Variants in TMEM181 observed in about 807,000 individuals in gnomAD.
The protein encoded by TMEM181 is G protein-coupled receptor 178.
A neutral mutation model predicts 71.9 loss-of-function variants in TMEM181; 39 were observed. The observed-to-expected ratio is 0.54, with a 90% CI of 0.42 to 0.71. The LOEUF is 0.71. Ranked by LOEUF, TMEM181 falls within the 30% of genes least tolerant of loss-of-function variation. The probability of loss-of-function intolerance (pLI) is 0.00; values close to 1 mark genes in which losing one functional copy is unlikely to be tolerated. For synonymous variants in TMEM181, 245 were observed against 228.8 expected (o/e 1.07, Z -0.64); for missense variants, 595 against 583.0 (o/e 1.02, Z -0.21).
chr6:158,581,789 AC>A (rs1441225643), intron 3 of TMEM181, among the ~76,000 whole-genome samples: 2 of 134,462 alleles, frequency 1.5e-5, no homozygotes, highest in African/African-American at 5.6e-5. Flanking sequence ...TAACTTTTTT[AC>A]CACCTTTAGA....
intron 10 of TMEM181, 35 bp from the exon 11 acceptor site, chr6:158,623,515 A>G: frequency 7.5e-7 from 1 of 1,341,822 alleles, no homozygotes; most frequent in Non-Finnish European, 1.0e-6. Context: ...AAAGGTAGTT[A>G]TTAATCTATA....
rs1011607805 is a variant in TMEM181, at chr6:158,547,554, G to A, written c.131+10689G>A. ...AAAGTGCCACCAGGCAGGCGCTCTT[G>A]GAAGTCACCATTGACACAGGGTCTC... On this transcript the variant is annotated intron_variant, in intron 1 of 16. Coordinates refer to the TMEM181 transcript ENST00000367090. 2.0e-5 allele frequency among the ~76,000 whole-genome samples: 3 copies of A among 152,172 alleles called. No individual in the cohort carries two copies. The South Asian group carries it at 6.2e-4, about 32-fold the overall frequency.
intron 6 of TMEM181, among the ~76,000 whole-genome samples, chr6:158,592,314 G>C: frequency 6.6e-6 from 1 of 152,208 alleles, no homozygotes. Context: ...AAAGATTAGA[G>C]AGTTCAAGAA....
In TMEM181 at chr6:158,633,795, C is replaced by T. The variant is rs1195714028; in HGVS notation, c.*1907C>T. 1.3e-5 allele frequency: 2 copies of T among 151,996 alleles called. No homozygotes were observed. Among genetic ancestry groups the T allele is most frequent in the African/African-American group, 4.8e-5 (2 of 41,360 alleles). The allele number at this position is 151,996 out of a possible 1,614,324, so 9.4% of individuals were successfully genotyped here. ...CAAGTTTACATGATTTTTAAATTTG[C>T]AATGATGTTTTTTTTATTCTGTGTA... On this transcript the variant is annotated 3_prime_UTR_variant, in exon 17 of 17. Transcript: ENST00000684151.
intron 13 of TMEM181, among the ~76,000 whole-genome samples, chr6:158,627,142 T>C (rs1786357425): frequency 7.1e-6 from 1 of 140,962 alleles, no homozygotes; most frequent in African/African-American, 2.7e-5. Flanking sequence ...CTCACACACC[T>C]TACACCCTCA....
chr6:158,560,389 G>A (rs2128284623), intron 1 of TMEM181, among the ~76,000 whole-genome samples, 157 bp downstream of exon 1: 2 of 152,276 alleles, frequency 1.3e-5, no homozygotes, highest in Admixed American at 1.3e-4. Flanking sequence ...TCGCGGGCGG[G>A]TCAGGCGGAG....
chr6:158,589,580 C>T lies in TMEM181; in HGVS notation c.382-92C>T, dbSNP rs1215524879. On this transcript the variant is annotated intron_variant, in intron 5 of 16. Coordinates refer to ENST00000684151, the MANE Select transcript of TMEM181 (RefSeq NM_001376852.1). The stretch of plus-strand genomic sequence containing the variant: ...TTCCCTGGAGACAATGAGTTCTGCC[C>T]ATCTGCTGTTGAAACGTGTTACTTC... 5.5e-6 allele frequency: 5 copies of T among 903,340 alleles called. No homozygotes were observed. In the Admixed American group the frequency reaches 9.8e-5, roughly 18 times the overall value. 56.0% of individuals were successfully genotyped at this position (903,340 alleles called of 1,614,324 possible).
intron 11 of TMEM181, 61 bp from the exon 12 acceptor site, chr6:158,625,043 C>T (rs1019950696): frequency 1.9e-5 from 24 of 1,293,922 alleles, no homozygotes; most frequent in South Asian, 1.7e-4. Context: ...TGTGGTGGTG[C>T]TGGGAGGAGA....
chr6:158,613,464 A>G (rs1406669728), intron 10 of TMEM181, among the ~76,000 whole-genome samples: 1 of 152,216 alleles, frequency 6.6e-6, no homozygotes, highest in African/African-American at 2.4e-5. Flanking sequence ...GATTTGTACC[A>G]TTAAATACCT....
At chr6:158,602,229 G>T in intron 6 of TMEM181, among the ~76,000 whole-genome samples, 1 of 152,224 alleles carries the variant, frequency 6.6e-6, no homozygotes, top group Middle Eastern at 3.2e-3. Context: ...GATCGATGAT[G>T]AGTGTGTCCA....
At chr6:158,543,218 G>A (rs1338317741) in intron 1 of TMEM181, among the ~76,000 whole-genome samples, 1 of 152,034 alleles carries the variant, frequency 6.6e-6, no homozygotes, top group East Asian at 1.9e-4. Context: ...TGAATTGAGA[G>A]GAAAAAATAA....
chr6:158,582,745 TG>T (rs1347840994), intron 3 of TMEM181, among the ~76,000 whole-genome samples: 1 of 152,182 alleles, frequency 6.6e-6, no homozygotes, highest in East Asian at 1.9e-4. Context: ...GAACCATGGG[TG>T]GGCTGCTTCA....
chr6:158,570,222 G>A (rs1484415897), intron 1 of TMEM181, among the ~76,000 whole-genome samples: 1 of 150,066 alleles, frequency 6.7e-6, no homozygotes, highest in Non-Finnish European at 1.5e-5. Flanking sequence ...ATAGCAGAGT[G>A]TTTCCGTACA....
At chr6:158,574,646 A>T (rs1285908152) in intron 2 of TMEM181, among the ~76,000 whole-genome samples, 2 of 152,240 alleles carry the variant, frequency 1.3e-5, no homozygotes, top group African/African-American at 4.8e-5. Context: ...AGTGATGTTC[A>T]GGATTTCTAC....
intron 6 of TMEM181, among the ~76,000 whole-genome samples, chr6:158,604,535 C>T (rs1161322205): frequency 2.0e-5 from 3 of 152,180 alleles, no homozygotes; most frequent in Admixed American, 6.5e-5. Flanking sequence ...CTCTGCTCTG[C>T]TGTCAGCAGC....
intron 6 of TMEM181, among the ~76,000 whole-genome samples, chr6:158,598,631 T>C (rs576981065): frequency 6.6e-6 from 1 of 151,796 alleles, no homozygotes; most frequent in Admixed American, 6.6e-5. Flanking sequence ...TCATGTTTTT[T>C]TTTTTATTTT....
chr6:158,557,404 G>A (rs1781935477), upstream of TMEM181, among the ~76,000 whole-genome samples: 1 of 152,098 alleles, frequency 6.6e-6, no homozygotes, highest in African/African-American at 2.4e-5. Flanking sequence ...ATGGCTGATA[G>A]ATCACACCAG....
At chr6:158,563,732 C>T (rs1782321143) in intron 1 of TMEM181, among the ~76,000 whole-genome samples, 2 of 152,348 alleles carry the variant, frequency 1.3e-5, no homozygotes, top group South Asian at 2.1e-4. Context: ...ACTCACCAGT[C>T]CTTGGGTAGC....
At chr6:158,574,091 C>G (rs1783028675) in intron 2 of TMEM181, among the ~76,000 whole-genome samples, 1 of 152,046 alleles carries the variant, frequency 6.6e-6, no homozygotes, top group African/African-American at 2.4e-5. Flanking sequence ...CAACCAGGAG[C>G]CTGACTTGTT....
Sources: gnomAD v4.1 joint callset for allele counts (sites outside exome capture counted in the v4.1 genomes callset) on GRCh38, gnomAD v4.1.1 for gene constraint, MANE v1.5 for transcripts, NCBI Gene and HGNC (gene_info 2026-07-23, HGNC 2026-07-21) for gene names.